Variants in PSME4 observed in about 807,000 individuals in gnomAD.
PSME4 encodes the protein proteasome activator complex subunit 4.
Under a neutral mutation model 253.9 loss-of-function variants are expected in PSME4, and 89 were observed. The observed-to-expected ratio is 0.35, with a 90% CI of 0.30 to 0.42. The LOEUF (loss-of-function observed/expected upper bound fraction) is 0.42, where lower values mean the gene tolerates loss of function less well. Among genes scored for constraint, PSME4 ranks in the 10% least tolerant of loss-of-function variants. The pLI, the probability that PSME4 is intolerant of heterozygous loss-of-function variation, is 1.00. For missense variants in PSME4, 2,014 were observed against 2,195.2 expected, an observed-to-expected ratio of 0.92 and a Z score of 1.65; for synonymous variants, 851 against 759.2, an observed-to-expected ratio of 1.12 and a Z score of -1.99.
At chr2:53,898,167 T>C in intron 30 of PSME4, 134 bp downstream of exon 30, 3 of 1,180,956 alleles carry the variant, frequency 2.5e-6, no homozygotes, top group Non-Finnish European at 3.6e-6. Flanking sequence ...TCTCTTTTCC[T>C]CTTAATCTGC....
intron 5 of PSME4, 83 bp from the exon 6 acceptor site, chr2:53,936,910 T>C: frequency 2.2e-6 from 2 of 908,582 alleles, no homozygotes; most frequent in Non-Finnish European, 1.7e-6. Flanking sequence ...TTTTATAATC[T>C]ATTATTCTTA....
intron 44 of PSME4, among the ~76,000 whole-genome samples, 157 bp from the exon 45 acceptor site, chr2:53,867,037 G>C (rs1678599485): frequency 6.6e-6 from 1 of 152,170 alleles, no homozygotes; most frequent in African/African-American, 2.4e-5. Flanking sequence ...ACTTGATTTT[G>C]AGGCTAAACT....
rs967569118 is a variant in PSME4, at chr2:53,906,686, G to A, written c.2855C>T (p.Thr952Ile). ...DRVMLQHELR[T>I]LTVEGCEYKK... The stretch of plus-strand genomic sequence containing the variant: ...GTATTCACAACCCTCAACAGTTAGT[G>A]TCCGTAGCTAAGAAAACAATCGCAA... Residue 952 changes from threonine to isoleucine, a missense_variant, in exon 26 of 47, where the codon ACA becomes ATA. Transcript: ENST00000404125. 1.9e-6 allele frequency: 3 copies of A among 1,599,672 alleles called. No individual in the cohort carries two copies. The highest frequency in any genetic ancestry group is 2.6e-6 in the Non-Finnish European group (3 of 1,174,418).
intron 1 of PSME4, among the ~76,000 whole-genome samples, chr2:53,967,649 C>CAAAAAAAAAAAAAAAAAAAAAAAAAA (rs71408747): frequency 4.6e-5 from 1 of 21,560 alleles, no homozygotes; most frequent in Non-Finnish European, 8.1e-5. Context: ...GAGATTGTCT[C>CAAAAAAAAAAAAAAAAAAAAAAAAAA]AAAAAAAAAA....
chr2:53,939,928 A>C (rs906237961), intron 4 of PSME4, 28 bp downstream of exon 4: 18 of 1,550,376 alleles, frequency 1.2e-5, no homozygotes, highest in Non-Finnish European at 1.5e-5. Context: ...AAACAACAAG[A>C]GGCTTTATAA....
intron 4 of PSME4, among the ~76,000 whole-genome samples, chr2:53,938,635 A>G (rs9309252): frequency 0.21 from 31,414 of 152,038 alleles, 3,893 homozygotes; most frequent in African/African-American, 0.34. Context: ...TACAAACAGC[A>G]TATGAAAAAT....
At chr2:53,884,274 G>C (rs781020152) in intron 41 of PSME4, among the ~76,000 whole-genome samples, 4 of 150,816 alleles carry the variant, frequency 2.7e-5, no homozygotes, top group African/African-American at 9.7e-5. Context: ...GCAGTAGCAC[G>C]ATCTCAGCTC....
At chr2:53,885,345 G>A (rs1433042539) in intron 41 of PSME4, among the ~76,000 whole-genome samples, 1 of 152,162 alleles carries the variant, frequency 6.6e-6, no homozygotes, top group Non-Finnish European at 1.5e-5. Context: ...GATTATATTA[G>A]TAAAGAAGTC....
At chr2:53,908,123 AT>A in intron 24 of PSME4, 196 bp downstream of exon 24, 1 of 537,222 alleles carries the variant, frequency 1.9e-6, no homozygotes. Context: ...CAGGCAGAAG[AT>A]TCTGTATAAG....
intron 20 of PSME4, among the ~76,000 whole-genome samples, 184 bp downstream of exon 20, chr2:53,918,966 AT>A (rs1401481709): frequency 1.3e-5 from 2 of 152,196 alleles, no homozygotes; most frequent in African/African-American, 2.4e-5. Flanking sequence ...CCATGTGAAA[AT>A]CTGAATAAAG....
intron 43 of PSME4, chr2:53,870,135 C>T (rs919559004): frequency 1.3e-5 from 2 of 152,198 alleles, no homozygotes; most frequent in African/African-American, 4.8e-5. Context: ...CATTGTTTCA[C>T]ATATAAATCA....
chr2:53,942,011 A>C (rs1159019810), intron 3 of PSME4: 1 of 152,616 alleles, frequency 6.6e-6, no homozygotes, highest in Non-Finnish European at 1.5e-5. Flanking sequence ...AACACTTGAT[A>C]GAGTCACTTC....
Position 53,921,047 on chromosome 2 carries a change from G to A in PSME4, c.2104C>T (p.Leu702Phe), listed in dbSNP as rs767264586. 2 of 1,613,876 alleles carry A rather than the reference G, an allele frequency of 1.2e-6. No individual in the cohort carries two copies. The highest frequency in any genetic ancestry group is 2.2e-5 in the East Asian group (1 of 44,858). Reference sequence around the variant, plus strand: ...CAGGTTAAATGTAGGGTTCTTTGGAGAATCTTTACAAGCTGCTCCCTATAA... The same window carrying A: ...CAGGTTAAATGTAGGGTTCTTTGGAAAATCTTTACAAGCTGCTCCCTATAA... ...LLYREQLVKI[L>F]QRTLHLTCKQ... The change falls in exon 18 of 47, where the codon CTC becomes TTC. Residue 702 changes from leucine to phenylalanine, a missense_variant. Around this residue, in one of 4 missense-constraint regions of PSME4, gnomAD observed 989 missense variants for 1,021.1 expected, o/e 0.97. Transcript: ENST00000404125.
At chr2:53,927,302 C>T (rs1313422186) in intron 12 of PSME4, 92 bp downstream of exon 12, 2 of 915,790 alleles carry the variant, frequency 2.2e-6, no homozygotes, top group East Asian at 2.4e-5. Context: ...GATTTTACTT[C>T]CAAAGTCGTT....
chr2:53,967,649 CAAA>C (rs71408747), intron 1 of PSME4, among the ~76,000 whole-genome samples: 47 of 21,550 alleles, frequency 2.2e-3, no homozygotes, highest in Admixed American at 0.013. Flanking sequence ...GAGATTGTCT[CAAA>C]AAAAAAAAAA....
At chr2:53,925,041 C>T (rs1431215825) in intron 14 of PSME4, among the ~76,000 whole-genome samples, 3 of 152,186 alleles carry the variant, frequency 2.0e-5, no homozygotes, top group Non-Finnish European at 4.4e-5. Flanking sequence ...GCTTACCTAG[C>T]ACAGTGTTTT....
At position 53,920,829 on chromosome 2, in the gene PSME4, G is replaced by T. The variant is rs1668280990; in HGVS notation, c.2262+60C>A. ...CATATGCAAGAAAAAATAACACTTT[G>T]AATCCCTTAAAACAAAAAATCAACA... On this transcript the variant is annotated intron_variant, in intron 18 of 46. Transcript: ENST00000404125. The T allele has an allele frequency of 8.8e-6, 12 of 1,363,816 alleles. No individual in the cohort carries two copies. The South Asian group carries it at 1.5e-4, about 17-fold the overall frequency. The allele number at this position is 1,363,816 out of a possible 1,614,324, so 84.5% of individuals were successfully genotyped here. A position where few individuals can be genotyped will look rare whatever the true frequency, so the allele number is the denominator to read the frequency against.
intron 1 of PSME4, among the ~76,000 whole-genome samples, 160 bp from the exon 2 acceptor site, chr2:53,949,443 ATT>A (rs1309040513): frequency 7.0e-6 from 1 of 143,300 alleles, no homozygotes. Flanking sequence ...ACAATGGATT[ATT>A]GTCTTTTTTT....
At chr2:53,892,711 T>C in intron 36 of PSME4, 97 bp downstream of exon 36, 1 of 1,134,172 alleles carries the variant, frequency 8.8e-7, no homozygotes, top group South Asian at 1.8e-5. Flanking sequence ...GAAGATTTCA[T>C]ATTTTAATTA....
Sources: allele counts gnomAD v4.1 joint callset (sites outside exome capture counted in the v4.1 genomes callset), GRCh38; gene constraint gnomAD v4.1.1; regional missense constraint gnomAD v4.1.1; transcripts MANE v1.5; gene names NCBI Gene and HGNC (gene_info 2026-07-23, HGNC 2026-07-21).